The following ARGFX variants were observed in gnomAD, a reference collection of about 807,000 sequenced individuals.
ARGFX encodes the protein arginine-fifty homeobox.
ARGFX carries 10 observed loss-of-function variants against 8.0 expected under a neutral mutation model. The ratio of observed to expected loss-of-function variants is 1.25; its 90% CI spans 0.77 to 2.12. ARGFX has a LOEUF of 2.12. Among genes scored for constraint, ARGFX ranks in the 30% most tolerant of loss-of-function variants. The probability of loss-of-function intolerance (pLI) is 0.00; values close to 1 mark genes in which losing one functional copy is unlikely to be tolerated. For missense variants in ARGFX, 282 were observed against 324.3 expected (o/e 0.87, Z 1.00); for synonymous variants, 116 against 117.8 (o/e 0.98, Z 0.10).
At chr3:121,568,764 G>A (rs538822800) in intron 1 of ARGFX, among the ~76,000 whole-genome samples, 11 of 152,146 alleles carry the variant, frequency 7.2e-5, no homozygotes, top group African/African-American at 1.2e-4. Context: ...GATGTCTGAC[G>A]GTATCCTAAT....
At chr3:121,572,737 G>T (rs2048716181) in intron 2 of ARGFX, among the ~76,000 whole-genome samples, 1 of 152,112 alleles carries the variant, frequency 6.6e-6, no homozygotes, top group Non-Finnish European at 1.5e-5. Flanking sequence ...AAAGCTGGAG[G>T]CCTCATATTA....
rs776229602 is a variant in ARGFX at position 121,585,045 on chromosome 3, C to T, written c.349C>T (p.Leu117=). The change falls in exon 4 of 5, where the codon CTA becomes TTA. Residue 117 remains leucine, a synonymous_variant. Transcript: ENST00000334384. ...GGAGAAACTAGCTTTGAGACTCGAC[C>T]TACCGGAGTCAACAGTAAAGGTCTG... ...LQEKLALRLD[L]PESTVKVWFR... is the part of the protein sequence containing the mutation. The T allele has an allele frequency of 6.2e-7, 1 of 1,613,952 alleles. No individual in the cohort carries two copies. Among genetic ancestry groups the T allele is most frequent in the South Asian group, 1.1e-5 (1 of 90,970 alleles).
chr3:121,584,542 G>T (rs376131827), intron 3 of ARGFX, among the ~76,000 whole-genome samples: 15 of 152,272 alleles, frequency 9.9e-5, no homozygotes, highest in African/African-American at 3.1e-4. Context: ...CTGTCCTGAG[G>T]TTAGGTAGGG....
chr3:121,582,323 A>G (rs1346457023), intron 3 of ARGFX, among the ~76,000 whole-genome samples: 2 of 152,216 alleles, frequency 1.3e-5, no homozygotes, highest in East Asian at 3.9e-4. Context: ...ATTTGAAAGT[A>G]AAGAATTAGT....
At position 121,586,339 on chromosome 3, in the gene ARGFX, A is replaced by G. The variant is rs1486370010; in HGVS notation, c.687A>G (p.Gln229=). ...ALYSDAYDIF[Q]IIELYNLPDE... is the part of the protein sequence containing the mutation. Reference sequence around the variant, plus strand: ...ACTCTGATGCCTATGACATATTCCAAATCATAGAACTGTACAATCTTCCTG... The same window carrying G: ...ACTCTGATGCCTATGACATATTCCAGATCATAGAACTGTACAATCTTCCTG... The change falls in exon 5 of 5, where the codon CAA becomes CAG. Residue 229 remains glutamine (Q), a synonymous_variant. Transcript: ENST00000334384. The G allele has an allele frequency of 5.6e-6, 9 of 1,614,152 alleles. No homozygotes were observed. In the South Asian group the frequency reaches 8.8e-5, roughly 16 times the overall value.
chr3:121,576,179 G>T (rs544625092), intron 2 of ARGFX, among the ~76,000 whole-genome samples: 1 of 151,880 alleles, frequency 6.6e-6, no homozygotes, highest in African/African-American at 2.4e-5. Flanking sequence ...GACTCCCAAG[G>T]TCAAGCAGAA....
At position 121,586,606 on chromosome 3, in the gene ARGFX, G is replaced by A. The variant is rs895216104; in HGVS notation, c.*6G>A. 3.1e-5 allele frequency: 50 copies of A among 1,603,788 alleles called. 1 individual carries two copies. Among genetic ancestry groups the A allele is most frequent in the Non-Finnish European group, 3.8e-5 (45 of 1,174,696 alleles). On this transcript the variant is annotated 3_prime_UTR_variant, in exon 5 of 5. Transcript: ENST00000334384. The stretch of plus-strand genomic sequence containing the variant: ...TAGACTTGGGATTTCTCTGACCAGA[G>A]TACTAATAAATATAGATCATTTAGA...
At chr3:121,580,567 A>AGTGTGTGTGTGTGTGT (rs143363410) in intron 3 of ARGFX, among the ~76,000 whole-genome samples, 2 of 128,094 alleles carry the variant, frequency 1.6e-5, no homozygotes, top group Non-Finnish European at 3.2e-5. Flanking sequence ...TATAAAGAAA[A>AGTGTGTGTGTGTGTGT]GTGTGTGTGT....
At chr3:121,568,094 A>G (rs2048683802) in intron 1 of ARGFX, among the ~76,000 whole-genome samples, 81 bp downstream of exon 1, 1 of 152,178 alleles carries the variant, frequency 6.6e-6, no homozygotes, top group African/African-American at 2.4e-5. Flanking sequence ...CAAAGGAGCA[A>G]TATTAAAGGA....
intron 2 of ARGFX, among the ~76,000 whole-genome samples, chr3:121,573,999 A>G (rs1301844627): frequency 6.6e-6 from 1 of 152,188 alleles, no homozygotes; most frequent in Non-Finnish European, 1.5e-5. Flanking sequence ...GATGACAACT[A>G]TCAAAGAAAC....
chr3:121,568,941 A>C (rs558264860), intron 1 of ARGFX, among the ~76,000 whole-genome samples: 1 of 152,352 alleles, frequency 6.6e-6, no homozygotes, highest in South Asian at 2.1e-4. Context: ...ATTCTTAAAA[A>C]TTGTTAAGGA....
In ARGFX at chr3:121,587,342, G is replaced by A. The variant is rs1337206625; in HGVS notation, c.*742G>A. 4.6e-5 allele frequency among the ~76,000 whole-genome samples: 7 copies of A among 151,760 alleles called. No individual in the cohort carries two copies. Among genetic ancestry groups the A allele is most frequent in the African/African-American group, 7.3e-5 (3 of 41,306 alleles). The stretch of plus-strand genomic sequence containing the variant: ...GCTGGGATTACAGACATGAGCCACC[G>A]AGCCTGGCCAATTTTTGTGTTTTTT... On this transcript the variant is annotated 3_prime_UTR_variant, in exon 5 of 5. Coordinates refer to ENST00000334384, the MANE Select transcript of ARGFX (RefSeq NM_001012659.2).
At chr3:121,577,889 G>A (rs1197178690) in intron 3 of ARGFX, among the ~76,000 whole-genome samples, 5 of 151,848 alleles carry the variant, frequency 3.3e-5, no homozygotes, top group Admixed American at 6.6e-5. Flanking sequence ...GGGTTCAAGC[G>A]ATTCTCCTAC....
Position 121,588,963 on chromosome 3 carries a change from G to A in ARGFX, c.*2363G>A, listed in dbSNP as rs1293090004. 6.6e-6 allele frequency among the ~76,000 whole-genome samples: 1 copy of A among 152,012 alleles called. No homozygotes were observed. The highest frequency in any genetic ancestry group is 1.5e-5 in the Non-Finnish European group (1 of 68,012). ...ACAACACATTCCTAAATAACCAGTG[G>A]TTAAAGAGGTAATCACAGTCTGAGC... is the stretch of plus-strand genomic sequence containing the variant. On this transcript the variant is annotated 3_prime_UTR_variant, in exon 5 of 5. Transcript: ENST00000334384.
At chr3:121,583,903 G>A (rs552823296) in intron 3 of ARGFX, among the ~76,000 whole-genome samples, 38 of 152,214 alleles carry the variant, frequency 2.5e-4, no homozygotes, top group Admixed American at 8.5e-4. Context: ...TACCAGGCAC[G>A]GTGGTTCACA....
chr3:121,585,755 C>T (rs2048808356), intron 4 of ARGFX, among the ~76,000 whole-genome samples: 1 of 152,176 alleles, frequency 6.6e-6, no homozygotes, highest in Non-Finnish European at 1.5e-5. Context: ...ACTAGCCTCT[C>T]TTCTCTAGAG....
intron 1 of ARGFX, among the ~76,000 whole-genome samples, chr3:121,569,362 CT>C (rs1193645372): frequency 0.029 from 3,618 of 125,560 alleles, 70 homozygotes; most frequent in African/African-American, 0.093. Flanking sequence ...AATGTGAAAA[CT>C]TTTTTTTTTT....
intron 3 of ARGFX, among the ~76,000 whole-genome samples, chr3:121,581,916 A>G (rs1022385361): frequency 6.6e-6 from 1 of 152,070 alleles, no homozygotes; most frequent in Non-Finnish European, 1.5e-5. Context: ...AAAAAAAAAA[A>G]TCAGCTCCTC....
chr3:121,573,355 C>T (rs2048719165), intron 2 of ARGFX, among the ~76,000 whole-genome samples: 1 of 151,770 alleles, frequency 6.6e-6, no homozygotes, highest in South Asian at 2.1e-4. Context: ...GTGGCAGGCG[C>T]CTGTAATCTC....
Sources: allele counts gnomAD v4.1 joint callset (sites outside exome capture counted in the v4.1 genomes callset), GRCh38; gene constraint gnomAD v4.1.1; transcripts MANE v1.5; gene names NCBI Gene and HGNC (gene_info 2026-07-23, HGNC 2026-07-21).